The following SH3TC2 variants were observed in gnomAD, a reference collection of about 807,000 sequenced individuals.
SH3TC2 encodes the protein SH3 domain and tetratricopeptide repeats 2, also known as SH3 domain and tetratricopeptide repeat-containing protein 2.
A neutral mutation model predicts 124.5 loss-of-function variants in SH3TC2; 87 were observed. That is an observed-to-expected ratio of 0.70 (90% CI 0.59 to 0.84). SH3TC2 has a LOEUF of 0.84. Among genes scored for constraint, SH3TC2 ranks in the 40% least tolerant of loss-of-function variants. The pLI, the probability that SH3TC2 is intolerant of heterozygous loss-of-function variation, is 0.00. For synonymous variants in SH3TC2, 634 were observed against 628.5 expected (o/e 1.01, Z -0.13); for missense variants, 1,536 against 1,566.4 (o/e 0.98, Z 0.33).
At chr5:149,033,644 G>C (rs1381493486) in intron 8 of SH3TC2, among the ~76,000 whole-genome samples, 1 of 152,140 alleles carries the variant, frequency 6.6e-6, no homozygotes, top group African/African-American at 2.4e-5. Context: ...GAGTCTGAAA[G>C]AGTTCAACTT....
chr5:149,044,752 G>A lies in SH3TC2; in HGVS notation c.280-114C>T, dbSNP rs188564144. The stretch of plus-strand genomic sequence containing the variant: ...TCTTGATTATGGCATTGATTTTTAC[G>A]TCACCAAAAAATGGAAACAACTTAA... On this transcript the variant is annotated intron_variant, in intron 3 of 16. Transcript: ENST00000515425. The A allele has an allele frequency of 3.5e-4, 267 of 765,932 alleles. 2 individuals are homozygous for A. In the African/African-American group the frequency reaches 4.0e-3, roughly 12 times the overall value. 47.4% of individuals were successfully genotyped at this position (765,932 alleles called of 1,614,324 possible).
At position 149,010,302 on chromosome 5, in the gene SH3TC2, G is replaced by A. The variant is rs769907612; in HGVS notation, c.3295C>T (p.Arg1099Cys). The change falls in exon 14 of 17, where the codon CGC becomes TGC. Residue 1099 changes from arginine to cysteine, a missense_variant. By Grantham distance (180) the Arg-to-Cys change is radical (BLOSUM62 -3). This residue lies in a region of SH3TC2 where 426 missense variants were observed against 443.5 expected (regional missense o/e 0.96). Coordinates refer to ENST00000515425, the MANE Select transcript of SH3TC2 (RefSeq NM_024577.4). The part of the protein sequence containing the change: ...EAGDVFFNGT[R>C]HRHHAVEYYR... ...TACTCCACTGCATGATGCCTGTGGC[G>A]GGTCCCATTGAAGAACACATCACCT... 40 of 1,614,042 alleles carry A rather than the reference G, an allele frequency of 2.5e-5. No individual in the cohort carries two copies. The highest frequency in any genetic ancestry group is 1.8e-4 in the South Asian group (16 of 91,082).
At chr5:149,058,484 T>C (rs1754689044) in intron 1 of SH3TC2, among the ~76,000 whole-genome samples, 2 of 152,346 alleles carry the variant, frequency 1.3e-5, no homozygotes, top group South Asian at 4.1e-4. Context: ...GTCATCTACA[T>C]ACTTTTTATA....
In SH3TC2 at chr5:149,004,697, C is replaced by T. The variant is rs770021919; in HGVS notation, c.*14G>A. On this transcript the variant is annotated 3_prime_UTR_variant, in exon 17 of 17. Transcript: ENST00000515425. ...TCTGGCCATGCCAAATGTCCAGAGACAGGACAGCTTTCCTCAGAGGGCCAG... is the reference window on the plus strand; with the variant it reads ...TCTGGCCATGCCAAATGTCCAGAGATAGGACAGCTTTCCTCAGAGGGCCAG... 5.6e-6 allele frequency: 9 copies of T among 1,612,436 alleles called. No homozygotes were observed. The East Asian group carries it at 6.7e-5, about 12-fold the overall frequency.
chr5:149,037,525 G>A (rs1026618358), intron 8 of SH3TC2, among the ~76,000 whole-genome samples: 1 of 152,196 alleles, frequency 6.6e-6, no homozygotes, highest in African/African-American at 2.4e-5. Flanking sequence ...TCTCTGTTCA[G>A]ATCGTTAGAC....
chr5:149,005,633 C>T (rs776298527), intron 16 of SH3TC2, among the ~76,000 whole-genome samples: 3 of 152,144 alleles, frequency 2.0e-5, no homozygotes, highest in Admixed American at 2.0e-4. Flanking sequence ...TCACTACCCC[C>T]GGCCCTCCCT....
Position 149,012,691 on chromosome 5 carries a change from T to TA in SH3TC2, c.3096dup (p.Ile1033TyrfsTer4), listed in dbSNP as rs773451400. ...TCTGTCTCCCCCAGGTCAATGAAGATACGCAGGCTCTCCTTGATGCATGTG... is the reference window on the plus strand; with the variant it reads ...TCTGTCTCCCCCAGGTCAATGAAGATAACGCAGGCTCTCCTTGATGCATGTG... On this transcript the variant is annotated frameshift_variant, in exon 13 of 17. Transcript: ENST00000515425. LOFTEE classifies it high-confidence loss of function. 6.2e-7 allele frequency: 1 copy of TA among 1,613,984 alleles called. No individual in the cohort carries two copies. The highest frequency in any genetic ancestry group is 1.3e-5 in the African/African-American group (1 of 74,866).
chr5:149,033,076 T>C (rs1339412703), intron 8 of SH3TC2, among the ~76,000 whole-genome samples: 1 of 152,246 alleles, frequency 6.6e-6, no homozygotes, highest in East Asian at 1.9e-4. Context: ...TTTTAATCCA[T>C]GTTTGTAGAT....
At chr5:149,047,504 A>T in intron 3 of SH3TC2, 1 of 314,572 alleles carries the variant, frequency 3.2e-6, no homozygotes, top group South Asian at 2.9e-5. Context: ...TATCACAGTA[A>T]AAAAAAAGAA....
At chr5:149,041,682 A>T in intron 5 of SH3TC2, 65 bp from the exon 6 acceptor site, 1 of 1,537,592 alleles carries the variant, frequency 6.5e-7, no homozygotes, top group Non-Finnish European at 9.0e-7. Flanking sequence ...GGATTATCAC[A>T]CAAAGTAATG....
chr5:149,058,139 C>T (rs139081162), intron 1 of SH3TC2, among the ~76,000 whole-genome samples: 2 of 152,224 alleles, frequency 1.3e-5, no homozygotes, highest in East Asian at 1.9e-4. Context: ...AAGAAAAAAA[C>T]CTAGATTTTC....
intron 1 of SH3TC2, among the ~76,000 whole-genome samples, chr5:149,052,995 A>T (rs1216080874): frequency 6.6e-6 from 1 of 152,200 alleles, no homozygotes; most frequent in Non-Finnish European, 1.5e-5. Context: ...TCCTTCACAC[A>T]TTAATTTTAG....
At chr5:149,040,472 G>C (rs1754350392) in intron 7 of SH3TC2, 132 bp downstream of exon 7, 2 of 808,470 alleles carry the variant, frequency 2.5e-6, no homozygotes, top group Admixed American at 1.9e-5. Context: ...ACAGAAACTG[G>C]CTTCCCTAAA....
In SH3TC2 at chr5:149,003,438, T is replaced by C. The variant is rs1271977591; in HGVS notation, c.*1273A>G. 4 of 156,562 alleles carry C rather than the reference T, an allele frequency of 2.6e-5. No homozygotes were observed. Among genetic ancestry groups the C allele is most frequent in the Admixed American group, 6.5e-5 (1 of 15,478 alleles). The allele number at this position is 156,562 out of a possible 1,614,324, so 9.7% of individuals were successfully genotyped here. A position where few individuals can be genotyped will look rare whatever the true frequency, so the allele number is the denominator to read the frequency against. On this transcript the variant is annotated 3_prime_UTR_variant, in exon 17 of 17. Coordinates refer to ENST00000515425, the MANE Select transcript of SH3TC2 (RefSeq NM_024577.4). ...CTGCAGGAAGCCTCTGGCCAACAGC[T>C]AGCAAAAAACTGACTCCTAACAACA...
chr5:148,984,147 T>C lies in SH3TC2; in HGVS notation c.*20564A>G, dbSNP rs150905092. On this transcript the variant is annotated 3_prime_UTR_variant, in exon 17 of 17. Coordinates refer to ENST00000515425, the MANE Select transcript of SH3TC2 (RefSeq NM_024577.4). Reference sequence around the variant, plus strand: ...TTTGTGTCCCTTTATCTCTCTCTTCTCTTTCTGAAATTGCATTATGTAAAT... The same window carrying C: ...TTTGTGTCCCTTTATCTCTCTCTTCCCTTTCTGAAATTGCATTATGTAAAT... 2.0e-5 allele frequency among the ~76,000 whole-genome samples: 3 copies of C among 152,200 alleles called. No individual in the cohort carries two copies. The highest frequency in any genetic ancestry group is 4.4e-5 in the Non-Finnish European group (3 of 68,038).
Position 149,000,379 on chromosome 5 carries a change from GT to G in SH3TC2, c.*4331del, listed in dbSNP as rs1405967247. Among the ~76,000 whole-genome samples the G allele has an allele frequency of 6.6e-6, 1 of 152,114 alleles. No homozygotes were observed. The highest frequency in any genetic ancestry group is 1.5e-5 in the Non-Finnish European group (1 of 68,030). On this transcript the variant is annotated 3_prime_UTR_variant, in exon 17 of 17. Transcript: ENST00000515425. Reference sequence around the variant, plus strand: ...CTCTCTGCCACTTATTAATCTCTCTGTTTTCAAACAATGCCAGATAAGGCCT... The same window carrying G: ...CTCTCTGCCACTTATTAATCTCTCTGTTTCAAACAATGCCAGATAAGGCCT...
At chr5:149,051,600 T>C (rs1754557865) in intron 2 of SH3TC2, among the ~76,000 whole-genome samples, 1 of 152,140 alleles carries the variant, frequency 6.6e-6, no homozygotes, top group African/African-American at 2.4e-5. Flanking sequence ...TGCAAGCATA[T>C]GCCACTGTGT....
At chr5:149,056,783 C>A (rs1754655805) in intron 1 of SH3TC2, among the ~76,000 whole-genome samples, 1 of 152,110 alleles carries the variant, frequency 6.6e-6, no homozygotes, top group Non-Finnish European at 1.5e-5. Context: ...CCGTTTACAG[C>A]ATTCTTTTAC....
chr5:149,031,185 C>T (rs945536878), intron 9 of SH3TC2, among the ~76,000 whole-genome samples: 1 of 152,096 alleles, frequency 6.6e-6, no homozygotes, highest in African/African-American at 2.4e-5. Flanking sequence ...CTTTTCACAG[C>T]GGTAACATTT....
Sources: allele counts gnomAD v4.1 joint callset (sites outside exome capture counted in the v4.1 genomes callset), GRCh38; gene constraint gnomAD v4.1.1; regional missense constraint gnomAD v4.1.1; transcripts MANE v1.5; gene names NCBI Gene and HGNC (gene_info 2026-07-23, HGNC 2026-07-21).